AKAP3: variants seen among roughly 807,000 people sequenced by gnomAD.
AKAP3 encodes A-kinase anchor protein 3.
In AKAP3, 27 loss-of-function variants were observed where a neutral mutation model predicts 57.2. That is an observed-to-expected ratio of 0.47 (90% CI 0.35 to 0.65). The LOEUF is 0.65. AKAP3 is among the 30% of genes least tolerant of loss of function. The probability of loss-of-function intolerance (pLI) is 0.01; values close to 1 mark genes in which losing one functional copy is unlikely to be tolerated. For missense variants in AKAP3, 959 were observed against 1,040.0 expected (o/e 0.92, Z 1.07); for synonymous variants, 334 against 392.3 (o/e 0.85, Z 1.76).
chr12:4,632,869 T>C (rs371157697), intron 4 of AKAP3, among the ~76,000 whole-genome samples: 798 of 152,210 alleles, frequency 5.2e-3, no homozygotes, highest in African/African-American at 0.017. Context: ...CTCGATCTCC[T>C]GACCTCGTGA....
Position 4,615,800 on chromosome 12 carries a change from T to G in AKAP3, c.2501A>C (p.Asn834Thr). The G allele has an allele frequency of 1.2e-6, 2 of 1,614,204 alleles. No individual in the cohort carries two copies. Among genetic ancestry groups the G allele is most frequent in the Non-Finnish European group, 1.7e-6 (2 of 1,180,022 alleles). ...VLRYEKERQL[N>T]EAVGNVTPLQ... is the part of the protein sequence containing the mutation. ...CGGTGTGACATTCCCCACCGCCTCA[T>G]TCAGCTGGCGCTCCTTCTCATAGCG... is the stretch of plus-strand genomic sequence containing the variant. The change falls in exon 6 of 6, where the codon AAT (asparagine) becomes ACT (threonine). Residue 834 changes from asparagine to threonine, a missense_variant. Transcript: ENST00000228850.
intron 2 of AKAP3, among the ~76,000 whole-genome samples, chr12:4,643,210 A>G (rs1945658089): frequency 1.3e-5 from 2 of 152,192 alleles, no homozygotes; most frequent in Non-Finnish European, 2.9e-5. Flanking sequence ...GAGTGGGTTT[A>G]GCTGCATCAT....
Position 4,615,650 on chromosome 12 carries a change from A to G in AKAP3, c.*89T>C, listed in dbSNP as rs1351289923. 1 of 1,462,400 alleles carries G rather than the reference A, an allele frequency of 6.8e-7. No individual in the cohort carries two copies. Among genetic ancestry groups the G allele is most frequent in the Non-Finnish European group, 9.4e-7 (1 of 1,068,674 alleles). 90.6% of individuals were successfully genotyped at this position (1,462,400 alleles called of 1,614,324 possible). ...GATAATGTTAGGGCTCTGTGAGGAT[A>G]TAGAGGGGGAGATGTGGAAGTGAGA... On this transcript the variant is annotated 3_prime_UTR_variant, in exon 6 of 6. Transcript: ENST00000228850.
At chr12:4,634,621 A>C (rs1224261901) in intron 4 of AKAP3, among the ~76,000 whole-genome samples, 1 of 152,144 alleles carries the variant, frequency 6.6e-6, no homozygotes, top group African/African-American at 2.4e-5. Context: ...GGTTTATTTC[A>C]TTTTTGTTAA....
At chr12:4,635,793 C>A in intron 4 of AKAP3, 1 of 699,586 alleles carries the variant, frequency 1.4e-6, no homozygotes, top group South Asian at 1.6e-5. Flanking sequence ...ACTGTAGTGT[C>A]ATCAAGACAC....
In AKAP3 at chr12:4,627,323, G is replaced by A. The variant is rs761261401; in HGVS notation, c.1579C>T (p.Leu527=). The A allele has an allele frequency of 7.4e-6, 12 of 1,613,902 alleles. No individual in the cohort carries two copies. Among genetic ancestry groups the A allele is most frequent in the Middle Eastern group, 1.6e-4 (1 of 6,084 alleles). ...MYDSDSWAED[L]IVSALLLIQY... is the part of the protein sequence containing the mutation. Reference sequence around the variant, plus strand: ...ATCAGAAGCAGGGCAGACACGATCAGGTCCTCGGCCCAGGAGTCTGAATCA... The same window carrying A: ...ATCAGAAGCAGGGCAGACACGATCAAGTCCTCGGCCCAGGAGTCTGAATCA... The change falls in exon 5 of 6, where the codon CTG becomes TTG. Residue 527 remains leucine (L), a synonymous_variant. Transcript: ENST00000228850.
intron 5 of AKAP3, among the ~76,000 whole-genome samples, chr12:4,617,105 T>C (rs528792576): frequency 1.3e-5 from 2 of 152,204 alleles, no homozygotes; most frequent in South Asian, 2.1e-4. Context: ...AAACCATTTA[T>C]AGGGGAACTG....
At chr12:4,646,718 G>A (rs370034028) in intron 1 of AKAP3, among the ~76,000 whole-genome samples, 39 of 152,038 alleles carry the variant, frequency 2.6e-4, no homozygotes, top group East Asian at 1.4e-3. Context: ...TGTCTCAAGA[G>A]CTTTTGTATT....
chr12:4,615,764 A>G lies in AKAP3; in HGVS notation c.2537T>C (p.Leu846Pro). 2.5e-6 allele frequency: 4 copies of G among 1,614,162 alleles called. No homozygotes were observed. The highest frequency in any genetic ancestry group is 2.5e-6 in the Non-Finnish European group (3 of 1,180,016). ...AVGNVTPLQL[L>P]DWLMVNL ...TTACAGGTTCACCATCAGCCAGTCC[A>G]GCAGCTGCAGCGGTGTGACATTCCC... The change falls in exon 6 of 6, where the codon CTG becomes CCG. Residue 846 changes from leucine to proline, a missense_variant. Leu to Pro is a moderately conservative substitution (Grantham distance 98, BLOSUM62 -3). Transcript: ENST00000228850.
Position 4,625,692 on chromosome 12 carries a change from TGAGAGAGA to T in AKAP3, c.2406+796_2406+803del, listed in dbSNP as rs77632031. 1.5e-3 allele frequency among the ~76,000 whole-genome samples: 222 copies of T among 146,494 alleles called. 2 individuals carry two copies. Among genetic ancestry groups the T allele is most frequent in the East Asian group, 0.011 (53 of 4,932 alleles). On this transcript the variant is annotated intron_variant, in intron 5 of 5. Coordinates refer to ENST00000228850, the MANE Select transcript of AKAP3 (RefSeq NM_001278309.2). This position sits in a 1 kb window ranked among gnomAD's most constrained non-coding sequence, Gnocchi z 5.4. Reference sequence around the variant, plus strand: ...ATCAAAAGCACTGAGGAAGAGAAAATGAGAGAGAGAGAGAGAGAGAGAGAGCAAGCGAG... The same window carrying T: ...ATCAAAAGCACTGAGGAAGAGAAAATGAGAGAGAGAGAGAGAGCAAGCGAG...
At chr12:4,620,206 T>C (rs540434936) in intron 5 of AKAP3, among the ~76,000 whole-genome samples, 58 of 152,130 alleles carry the variant, frequency 3.8e-4, no homozygotes, top group African/African-American at 1.3e-3. Flanking sequence ...AAATAAGAGA[T>C]TGTGGCCAGA....
In AKAP3 at chr12:4,628,294, G is replaced by A. The variant is rs201978763; in HGVS notation, c.608C>T (p.Ser203Leu). The change falls in exon 5 of 6, where the codon TCG becomes TTG. Residue 203 changes from serine (S) to leucine (L), a missense_variant. By Grantham distance (145) the Ser-to-Leu change is moderately radical (BLOSUM62 -2). Transcript: ENST00000228850. The stretch of plus-strand genomic sequence containing the variant: ...ATTTGGGGGACTTTGTGATGATCCC[G>A]AGACTCTGTCTCCAGAGCCAGGAGC... ...DKAPGSGDRV[S>L]GSSQSPPNLK... 5.0e-6 allele frequency: 8 copies of A among 1,614,092 alleles called. No homozygotes were observed. In the African/African-American group the frequency reaches 5.3e-5, roughly 11 times the overall value.
intron 1 of AKAP3, among the ~76,000 whole-genome samples, chr12:4,646,594 C>T (rs1310455241): frequency 6.6e-6 from 1 of 151,890 alleles, no homozygotes; most frequent in Non-Finnish European, 1.5e-5. Context: ...ATTGCTTGAA[C>T]CTGGGAGGCG....
rs986719755 is a variant in AKAP3, at chr12:4,639,813, T to C, written c.1-1617A>G. On this transcript the variant is annotated intron_variant, in intron 3 of 5. Coordinates refer to ENST00000228850, the MANE Select transcript of AKAP3 (RefSeq NM_001278309.2). ...GATGGATATGTGCCACATTTTCTTG[T>C]CTTTTTTTTTTTTTTTTTTTTGAGA... Among the ~76,000 whole-genome samples, 6 of 136,234 alleles carry C rather than the reference T, an allele frequency of 4.4e-5. No homozygotes were observed. In the South Asian group the frequency reaches 1.4e-3, roughly 32 times the overall value. 89.4% of individuals were successfully genotyped at this position (136,234 alleles called of 152,430 possible).
rs1267886470 is a variant in AKAP3 at position 4,642,723 on chromosome 12, C to T, written c.-106-719G>A. ...CATTCTATCTAGTAGTTTAATTGCTCCCATGTATTTCATTTTCTTTACTGG... is the reference window on the plus strand; with the variant it reads ...CATTCTATCTAGTAGTTTAATTGCTTCCATGTATTTCATTTTCTTTACTGG... On this transcript the variant is annotated intron_variant, in intron 2 of 5. Coordinates refer to ENST00000228850, the MANE Select transcript of AKAP3 (RefSeq NM_001278309.2). Among the ~76,000 whole-genome samples, 7 of 152,120 alleles carry T rather than the reference C, an allele frequency of 4.6e-5. No individual in the cohort carries two copies. The East Asian group carries it at 1.3e-3, about 29-fold the overall frequency.
chr12:4,620,981 C>T (rs993347469), intron 5 of AKAP3, among the ~76,000 whole-genome samples: 9 of 152,138 alleles, frequency 5.9e-5, no homozygotes, highest in African/African-American at 7.2e-5. Context: ...GACATAATAG[C>T]TCCATGAGTG....
intron 4 of AKAP3, among the ~76,000 whole-genome samples, chr12:4,629,160 C>T (rs917565): frequency 0.73 from 110,355 of 152,142 alleles, 41,229 homozygotes; most frequent in Non-Finnish European, 0.81. Flanking sequence ...TCTGACTCCA[C>T]AGCCCATGCT....
chr12:4,627,258 C>T lies in AKAP3; in HGVS notation c.1644G>A (p.Arg548=). 6.2e-7 allele frequency: 1 copy of T among 1,614,036 alleles called. No individual in the cohort carries two copies. Among genetic ancestry groups the T allele is most frequent in the Middle Eastern group, 1.7e-4 (1 of 6,060 alleles). ...TGGTGCCAGCAGCTTCAACGAAGCT[C>T]CGTGCATCCCTTCTTCCTCCCTGGG... The part of the protein sequence containing the change: ...HLAQGGRRDA[R]SFVEAAGTTN... The change falls in exon 5 of 6, where the codon CGG becomes CGA. Residue 548 remains arginine, a synonymous_variant. Transcript: ENST00000228850.
chr12:4,627,143 T>C lies in AKAP3; in HGVS notation c.1759A>G (p.Lys587Glu), dbSNP rs377765212. 65 of 1,614,004 alleles carry C rather than the reference T, an allele frequency of 4.0e-5. No individual in the cohort carries two copies. Among genetic ancestry groups the C allele is most frequent in the Non-Finnish European group, 5.3e-5 (62 of 1,180,028 alleles). ...AAGAAAACACTCCTTAGGTCCTTCT[T>C]TTCTGCTTGTTCTTGGTCACCTACA... The part of the protein sequence containing the change: ...PIVGDQEQAE[K>E]KDLRSVFFNF... Residue 587 changes from lysine (K) to glutamate (E), a missense_variant, in exon 5 of 6, where the codon AAG (lysine) becomes GAG (glutamate). By Grantham distance (56) the Lys-to-Glu change is moderately conservative. Coordinates refer to ENST00000228850, the MANE Select transcript of AKAP3 (RefSeq NM_001278309.2).
Sources: allele counts gnomAD v4.1 joint callset (sites outside exome capture counted in the v4.1 genomes callset), GRCh38; gene constraint gnomAD v4.1.1; non-coding constraint Gnocchi (gnomAD v3.1); transcripts MANE v1.5; gene names NCBI Gene and HGNC (gene_info 2026-07-23, HGNC 2026-07-21).